NINJ2: variants seen among roughly 807,000 people sequenced by gnomAD.
NINJ2 encodes the protein ninjurin-2.
In NINJ2, 12 loss-of-function variants were observed where a neutral mutation model predicts 11.7. The observed-to-expected ratio is 1.02, with a 90% CI of 0.66 to 1.66. The LOEUF is 1.66. Among genes scored for constraint, NINJ2 ranks in the 40% most tolerant of loss-of-function variants. The pLI, the probability that NINJ2 is intolerant of heterozygous loss-of-function variation, is 0.00. For missense variants in NINJ2, 187 were observed against 181.8 expected (o/e 1.03, Z -0.16); for synonymous variants, 93 against 76.8 (o/e 1.21, Z -1.10).
intron 1 of NINJ2, among the ~76,000 whole-genome samples, chr12:598,740 T>C (rs10849312): frequency 0.73 from 111,586 of 151,834 alleles, 41,249 homozygotes; most frequent in Non-Finnish European, 0.78. Flanking sequence ...TTCTTTGTCA[T>C]CCAGGCTGCA....
rs1937975064 is a variant in NINJ2, at chr12:662,794, G to A, written c.33+534C>T. ...CACACATCTCTGCCTCTTCCTAGGA[G>A]ATTAGACTGATTTCCTTTCCTTGCA... On this transcript the variant is annotated intron_variant, in intron 1 of 3. Transcript: ENST00000305108. Among the ~76,000 whole-genome samples the A allele has an allele frequency of 2.0e-5, 3 of 152,170 alleles. No homozygotes were observed. In the South Asian group the frequency reaches 6.2e-4, roughly 32 times the overall value.
intron 1 of NINJ2, 74 bp from the exon 2 acceptor site, chr12:566,252 A>T (rs1355281023): frequency 2.4e-5 from 31 of 1,271,538 alleles, no homozygotes; most frequent in Non-Finnish European, 3.3e-5. Flanking sequence ...GAGAGAGGAG[A>T]GAGGTTTTAA....
intron 1 of NINJ2, among the ~76,000 whole-genome samples, chr12:609,917 G>A (rs1038961464): frequency 6.7e-6 from 1 of 149,122 alleles, no homozygotes; most frequent in Non-Finnish European, 1.5e-5. Context: ...ACTCCAGCCT[G>A]GGCGACAGAG....
chr12:636,051 C>T (rs185876957), intron 1 of NINJ2, among the ~76,000 whole-genome samples: 3 of 150,064 alleles, frequency 2.0e-5, no homozygotes, highest in Admixed American at 6.7e-5. Context: ...CACGCCAGCC[C>T]GGGCAACAGA....
At chr12:583,909 T>G (rs2120845073) in intron 1 of NINJ2, among the ~76,000 whole-genome samples, 1 of 152,326 alleles carries the variant, frequency 6.6e-6, no homozygotes, top group Middle Eastern at 3.4e-3. Context: ...TTAACCTATT[T>G]TTAAGGATCT....
rs147337663 is a variant in NINJ2 at position 634,666 on chromosome 12, T to C, written c.33+28662A>G. ...AGTTTAGTAGCACAGAGAGAAAATGTAGAGAATGGTCGTACCCAAGATATT... is the reference window on the plus strand; with the variant it reads ...AGTTTAGTAGCACAGAGAGAAAATGCAGAGAATGGTCGTACCCAAGATATT... On this transcript the variant is annotated intron_variant, in intron 1 of 3. Coordinates refer to ENST00000305108, the MANE Select transcript of NINJ2 (RefSeq NM_016533.6). Among the ~76,000 whole-genome samples the C allele has an allele frequency of 3.4e-4, 52 of 152,250 alleles. 1 individual carries two copies. The South Asian group carries it at 6.2e-3, about 18-fold the overall frequency.
intron 1 of NINJ2, among the ~76,000 whole-genome samples, chr12:648,996 G>GTCTATCTATCTA (rs4017978): frequency 0.031 from 4,667 of 148,946 alleles, 88 homozygotes; most frequent in South Asian, 0.038. Flanking sequence ...CTATCTATCT[G>GTCTATCTATCTA]TCTATCTATC....
intron 1 of NINJ2, among the ~76,000 whole-genome samples, chr12:639,526 C>G (rs1428936459): frequency 6.6e-6 from 1 of 152,032 alleles, no homozygotes. Context: ...GGATGGCACT[C>G]AGAATGCTGT....
At chr12:612,473 TTCCATTAA>T (rs1948046374) in intron 1 of NINJ2, among the ~76,000 whole-genome samples, 1 of 152,152 alleles carries the variant, frequency 6.6e-6, no homozygotes, top group Admixed American at 6.5e-5. Context: ...AGATTTTCCC[TTCCATTAA>T]TCTGGAACTG....
Position 580,737 on chromosome 12 carries a change from C to T in NINJ2, c.34-14559G>A, listed in dbSNP as rs1735460826. Among the ~76,000 whole-genome samples, 1 of 152,168 alleles carries T rather than the reference C, an allele frequency of 6.6e-6. No homozygotes were observed. Among genetic ancestry groups the T allele is most frequent in the Admixed American group, 6.5e-5 (1 of 15,278 alleles). On this transcript the variant is annotated intron_variant, in intron 1 of 3. Coordinates refer to ENST00000305108, the MANE Select transcript of NINJ2 (RefSeq NM_016533.6). This position sits in a 1 kb window ranked among gnomAD's most constrained non-coding sequence, Gnocchi z 4.7. ...CCTGCCAATGGCTATAGTATACAAACACCTCGACTGCGCTGCTGACTCCCC... is the reference window on the plus strand; with the variant it reads ...CCTGCCAATGGCTATAGTATACAAATACCTCGACTGCGCTGCTGACTCCCC...
chr12:651,374 ACC>A (rs753460529), intron 1 of NINJ2, among the ~76,000 whole-genome samples: 19 of 152,106 alleles, frequency 1.2e-4, no homozygotes, highest in Non-Finnish European at 1.9e-4. Flanking sequence ...AGCTGTCCTG[ACC>A]CACCTAAGGT....
chr12:567,140 A>C (rs1947311444), intron 1 of NINJ2, among the ~76,000 whole-genome samples: 1 of 152,218 alleles, frequency 6.6e-6, no homozygotes, highest in African/African-American at 2.4e-5. Context: ...TGAGACAGGA[A>C]GGAATGGAGG....
intron 1 of NINJ2, 78 bp downstream of exon 1, chr12:663,250 T>TAA: frequency 7.5e-7 from 1 of 1,330,086 alleles, no homozygotes; most frequent in South Asian, 1.3e-5. Flanking sequence ...ATCAAGTGAC[T>TAA]AAAGTATCAA....
intron 1 of NINJ2, among the ~76,000 whole-genome samples, chr12:629,746 G>C (rs1948249398): frequency 6.6e-6 from 1 of 150,538 alleles, no homozygotes; most frequent in South Asian, 2.1e-4. Flanking sequence ...AATTAACCAG[G>C]CCTGGTGGCG....
intron 1 of NINJ2, among the ~76,000 whole-genome samples, chr12:646,088 C>T (rs1937675058): frequency 6.6e-6 from 1 of 152,294 alleles, no homozygotes; most frequent in Non-Finnish European, 1.5e-5. Flanking sequence ...CCGCTGCCAG[C>T]CACTACTACT....
intron 1 of NINJ2, among the ~76,000 whole-genome samples, chr12:570,294 AC>A (rs1267738307): frequency 6.6e-6 from 1 of 152,158 alleles, no homozygotes; most frequent in Non-Finnish European, 1.5e-5. Flanking sequence ...AAAAGCAGGG[AC>A]CGGGCTTTTC....
At chr12:615,082 T>C (rs1450326259) in intron 1 of NINJ2, among the ~76,000 whole-genome samples, 2 of 152,162 alleles carry the variant, frequency 1.3e-5, no homozygotes, top group Non-Finnish European at 2.9e-5. Flanking sequence ...GAGGACTCTC[T>C]GATTTCATTA....
chr12:622,593 C>T (rs1359861308), intron 1 of NINJ2, among the ~76,000 whole-genome samples: 2 of 152,040 alleles, frequency 1.3e-5, no homozygotes, highest in Admixed American at 6.6e-5. Context: ...ACGTTTGCAG[C>T]ATATGGGAAG....
At chr12:659,526 T>G (rs779536960) in intron 1 of NINJ2, among the ~76,000 whole-genome samples, 2 of 152,290 alleles carry the variant, frequency 1.3e-5, no homozygotes, top group Non-Finnish European at 2.9e-5. Context: ...CTGGCAGGGC[T>G]ACCAGTGAAG....
Sources: gnomAD v4.1 joint callset for allele counts (sites outside exome capture counted in the v4.1 genomes callset) on GRCh38, gnomAD v4.1.1 for gene constraint, Gnocchi (gnomAD v3.1) non-coding constraint, MANE v1.5 for transcripts, NCBI Gene and HGNC (gene_info 2026-07-23, HGNC 2026-07-21) for gene names.